Variants in PDGFRA observed in about 807,000 individuals in gnomAD.
PDGFRA encodes the protein platelet-derived growth factor receptor alpha.
PDGFRA carries 25 observed loss-of-function variants against 121.5 expected under a neutral mutation model. That is an observed-to-expected ratio of 0.21 (90% CI 0.15 to 0.29). The LOEUF is 0.29. PDGFRA is among the 10% of genes least tolerant of loss of function. The pLI is 1.00. For synonymous variants in PDGFRA, 463 were observed against 494.8 expected (o/e 0.94, Z 0.85); for missense variants, 1,008 against 1,345.1 (o/e 0.75, Z 3.92).
chr4:54,234,779 C>T (rs747301413), intron 1 of PDGFRA, among the ~76,000 whole-genome samples: 1 of 152,168 alleles, frequency 6.6e-6, no homozygotes, highest in Non-Finnish European at 1.5e-5. Context: ...AAGCCGAATG[C>T]TCAAACTGCT....
At chr4:54,267,185 C>G in intron 5 of PDGFRA, 104 bp from the exon 6 acceptor site, 1 of 1,099,394 alleles carries the variant, frequency 9.1e-7, no homozygotes, top group Non-Finnish European at 1.4e-6. Flanking sequence ...AACTGCTGAA[C>G]CTCCATTGAC....
At position 54,295,912 on chromosome 4, in the gene PDGFRA, A is replaced by T; in HGVS notation, c.*640A>T. 4.3e-6 allele frequency: 1 copy of T among 234,298 alleles called. No homozygotes were observed. The highest frequency in any genetic ancestry group is 1.8e-4 in the South Asian group (1 of 5,564). 14.5% of individuals were successfully genotyped at this position (234,298 alleles called of 1,614,324 possible). A position where few individuals can be genotyped will look rare whatever the true frequency, so the allele number is the denominator to read the frequency against. On this transcript the variant is annotated 3_prime_UTR_variant, in exon 23 of 23. Transcript: ENST00000257290. ...TAGAAGCCTGACAACTCATTTTCAT[A>T]TTGTAATCTATGTTTATAATACTAC...
chr4:54,258,612 G>A, intron 1 of PDGFRA, 145 bp from the exon 2 acceptor site: 1 of 712,950 alleles, frequency 1.4e-6, no homozygotes, highest in South Asian at 1.5e-5. Flanking sequence ...GCGTCTTACT[G>A]TTTGAACCTT....
intron 1 of PDGFRA, among the ~76,000 whole-genome samples, chr4:54,247,684 C>T (rs896915307): frequency 1.3e-5 from 2 of 152,190 alleles, no homozygotes; most frequent in African/African-American, 4.8e-5. Context: ...CGCTCTCTCA[C>T]CACTCCTATT....
intron 4 of PDGFRA, chr4:54,264,261 T>G (rs1019623928): frequency 5.9e-5 from 26 of 441,588 alleles, no homozygotes; most frequent in Middle Eastern, 6.2e-4. Context: ...GGGGGTTAGA[T>G]GCCTAGATTA....
In PDGFRA at chr4:54,295,289, G is replaced by A. The variant is rs1724831733; in HGVS notation, c.*17G>A. 2 of 1,613,606 alleles carry A rather than the reference G, an allele frequency of 1.2e-6. No homozygotes were observed. The highest frequency in any genetic ancestry group is 2.7e-5 in the African/African-American group (2 of 74,916). ...TTCCTGTAACTGGCGGATTCGAGGG[G>A]TTCCTTCCACTTCTGGGGCCACCTC... On this transcript the variant is annotated 3_prime_UTR_variant, in exon 23 of 23. Coordinates refer to ENST00000257290, the MANE Select transcript of PDGFRA (RefSeq NM_006206.6).
intron 4 of PDGFRA, chr4:54,264,674 TTC>T: frequency 2.4e-6 from 1 of 423,962 alleles, no homozygotes; most frequent in Non-Finnish European, 4.4e-6. Flanking sequence ...GAATGCGGTG[TTC>T]TGTTTGATTG....
At chr4:54,274,476 C>T (rs1161514616) in intron 10 of PDGFRA, 55 bp from the exon 11 acceptor site, 10 of 1,246,370 alleles carry the variant, frequency 8.0e-6, no homozygotes, top group South Asian at 4.8e-5. Context: ...CCTTGCTGCC[C>T]CTGTGCATGT....
rs150514556 is a variant in PDGFRA, at chr4:54,264,044, T to C, written c.628+117T>C. Reference sequence around the variant, plus strand: ...TCACTGGTGATCCTAAATTCTGATTTGGGGATTTAGGACCCCAGCTAATAC... The same window carrying C: ...TCACTGGTGATCCTAAATTCTGATTCGGGGATTTAGGACCCCAGCTAATAC... On this transcript the variant is annotated intron_variant, in intron 4 of 22. Coordinates refer to ENST00000257290, the MANE Select transcript of PDGFRA (RefSeq NM_006206.6). 6.5e-5 allele frequency: 62 copies of C among 947,070 alleles called. No homozygotes were observed. The South Asian group carries it at 9.1e-4, about 14-fold the overall frequency. 58.7% of individuals were successfully genotyped at this position (947,070 alleles called of 1,614,324 possible).
chr4:54,256,635 C>T (rs932256045), intron 1 of PDGFRA, among the ~76,000 whole-genome samples: 2 of 151,822 alleles, frequency 1.3e-5, no homozygotes, highest in Admixed American at 1.3e-4. Context: ...GCCTCTGCCT[C>T]CCTGGTTCAA....
At chr4:54,245,557 A>C (rs1466862149) in intron 1 of PDGFRA, among the ~76,000 whole-genome samples, 236 of 152,362 alleles carry the variant, frequency 1.5e-3, no homozygotes, top group African/African-American at 5.5e-3. Flanking sequence ...AGAGCTCCTG[A>C]AGGAAGCACT....
intron 16 of PDGFRA, among the ~76,000 whole-genome samples, chr4:54,282,429 C>T (rs1196239617): frequency 6.6e-6 from 1 of 152,122 alleles, no homozygotes; most frequent in Non-Finnish European, 1.5e-5. Flanking sequence ...AGAGGTGCCA[C>T]ACACTTCTAA....
chr4:54,263,876 G>A lies in PDGFRA; in HGVS notation c.577G>A (p.Val193Ile), dbSNP rs774431464. 13 of 1,613,994 alleles carry A rather than the reference G, an allele frequency of 8.1e-6. No homozygotes were observed. Among genetic ancestry groups the A allele is most frequent in the Middle Eastern group, 3.3e-4 (2 of 6,062 alleles). ...TVGPYICEATVKGKKFQTIPF... is the reference protein window; with the variant it reads ...TVGPYICEATIKGKKFQTIPF... ...AGGGCCCTATATCTGTGAGGCCACC[G>A]TCAAAGGAAAGAAGTTCCAGACCAT... is the stretch of plus-strand genomic sequence containing the variant. The change falls in exon 4 of 23, where the codon GTC becomes ATC. Residue 193 changes from valine to isoleucine, a missense_variant. Val to Ile is a conservative substitution (Grantham distance 29). Around this residue, in one of 5 missense-constraint regions of PDGFRA, gnomAD observed 575 missense variants for 701.8 expected, o/e 0.82. Coordinates refer to ENST00000257290, the MANE Select transcript of PDGFRA (RefSeq NM_006206.6).
chr4:54,264,626 T>G lies in PDGFRA; in HGVS notation c.629-293T>G, dbSNP rs568375338. The G allele has an allele frequency of 1.9e-4, 69 of 362,308 alleles. 1 individual carries two copies. Among genetic ancestry groups the G allele is most frequent in the African/African-American group, 1.4e-3 (67 of 47,602 alleles). 22.4% of individuals were successfully genotyped at this position (362,308 alleles called of 1,614,324 possible). ...TGAATAAATTTATTAGTCAAGGAGA[T>G]TGTGGACGAGTATAACCATAACTAA... On this transcript the variant is annotated intron_variant, in intron 4 of 22. Transcript: ENST00000257290.
chr4:54,295,407 C>T lies in PDGFRA; in HGVS notation c.*135C>T, dbSNP rs1724837333. 17 of 814,504 alleles carry T rather than the reference C, an allele frequency of 2.1e-5. 1 individual carries two copies. Among genetic ancestry groups the T allele is most frequent in the Middle Eastern group, 7.3e-4 (2 of 2,732 alleles). 50.5% of individuals were successfully genotyped at this position (814,504 alleles called of 1,614,324 possible). ...AAGAGAAGTTCCCAGCCAAGGGCCT[C>T]GGGGAGCGTTCTAAATATGAATGAA... On this transcript the variant is annotated 3_prime_UTR_variant, in exon 23 of 23. Coordinates refer to ENST00000257290, the MANE Select transcript of PDGFRA (RefSeq NM_006206.6).
intron 1 of PDGFRA, among the ~76,000 whole-genome samples, chr4:54,250,216 T>C (rs1408335430): frequency 6.6e-6 from 1 of 152,246 alleles, no homozygotes; most frequent in Non-Finnish European, 1.5e-5. Flanking sequence ...TTTACCTTTT[T>C]GAAATCTTTG....
intron 9 of PDGFRA, among the ~76,000 whole-genome samples, chr4:54,273,145 G>A (rs1323500276): frequency 2.0e-5 from 3 of 152,128 alleles, no homozygotes; most frequent in Non-Finnish European, 1.5e-5. Context: ...TGACACCCTA[G>A]GGGCTCTTCC....
At chr4:54,267,233 G>A (rs1723074554) in intron 5 of PDGFRA, 56 bp from the exon 6 acceptor site, 2 of 1,532,924 alleles carry the variant, frequency 1.3e-6, no homozygotes, top group East Asian at 4.5e-5. Context: ...TTATCTTAGA[G>A]TTCACTCCTA....
intron 1 of PDGFRA, among the ~76,000 whole-genome samples, chr4:54,252,985 G>A (rs1722140493): frequency 6.6e-6 from 1 of 151,224 alleles, no homozygotes; most frequent in Non-Finnish European, 1.5e-5. Flanking sequence ...AGAAAGGATA[G>A]TAGCTGCAAA....
Sources: allele counts gnomAD v4.1 joint callset (sites outside exome capture counted in the v4.1 genomes callset), GRCh38; gene constraint gnomAD v4.1.1; regional missense constraint gnomAD v4.1.1; transcripts MANE v1.5; gene names NCBI Gene and HGNC (gene_info 2026-07-23, HGNC 2026-07-21).